The following DOCK1 variants were observed in gnomAD, a reference collection of about 807,000 sequenced individuals.
The protein encoded by DOCK1 is dedicator of cytokinesis 1.
In DOCK1, 138 loss-of-function variants were observed where a neutral mutation model predicts 262.7. That is an observed-to-expected ratio of 0.53 (90% CI 0.46 to 0.61). DOCK1 has a LOEUF of 0.61. Among genes scored for constraint, DOCK1 ranks in the 20% least tolerant of loss-of-function variants. The pLI is 0.00. For synonymous variants in DOCK1, 866 were observed against 867.4 expected, an observed-to-expected ratio of 1.00 and a Z score of 0.03; for missense variants, 1,908 against 2,370.7, an observed-to-expected ratio of 0.80 and a Z score of 4.05.
At chr10:126,982,859 CTG>C (rs2039081991) in intron 4 of DOCK1, among the ~76,000 whole-genome samples, 1 of 152,212 alleles carries the variant, frequency 6.6e-6, no homozygotes, top group Non-Finnish European at 1.5e-5. Context: ...GACTTTTACT[CTG>C]TGGAAGTAAC....
intron 31 of DOCK1, among the ~76,000 whole-genome samples, chr10:127,349,832 G>A (rs2063801644): frequency 6.6e-6 from 1 of 152,054 alleles, no homozygotes; most frequent in African/African-American, 2.4e-5. Flanking sequence ...ATCTTCCTGT[G>A]GCCTTCTTCT....
chr10:127,444,031 A>AAT (rs2070363681), intron 49 of DOCK1, 95 bp from the exon 50 acceptor site: 3 of 1,468,020 alleles, frequency 2.0e-6, no homozygotes, highest in Non-Finnish European at 2.8e-6. Context: ...ATTCTAAGGT[A>AAT]ATGGGGGTCA....
intron 27 of DOCK1, among the ~76,000 whole-genome samples, chr10:127,211,610 C>T (rs1400401375): frequency 1.3e-5 from 2 of 152,162 alleles, no homozygotes; most frequent in East Asian, 3.8e-4. Context: ...ATTTTGAAGA[C>T]ATTGATTTTT....
intron 6 of DOCK1, among the ~76,000 whole-genome samples, chr10:126,991,525 T>G (rs367595344): frequency 9.9e-5 from 15 of 152,158 alleles, no homozygotes; most frequent in African/African-American, 2.4e-4. Context: ...AGTGTTTTTT[T>G]TTTGTTTGTT....
At chr10:127,001,939 C>T (rs1041315423) in intron 10 of DOCK1, among the ~76,000 whole-genome samples, 6 of 152,144 alleles carry the variant, frequency 3.9e-5, no homozygotes, top group African/African-American at 1.4e-4. Context: ...CTCACTGCTG[C>T]CCCGACCTCC....
At chr10:127,235,721 T>C (rs1013157952) in intron 27 of DOCK1, among the ~76,000 whole-genome samples, 6 of 152,116 alleles carry the variant, frequency 3.9e-5, no homozygotes, top group Non-Finnish European at 8.8e-5. Context: ...TTTCCTAAAA[T>C]GGCTTTACCA....
At chr10:127,054,624 TG>T (rs1328031573) in intron 22 of DOCK1, among the ~76,000 whole-genome samples, 12 of 152,230 alleles carry the variant, frequency 7.9e-5, no homozygotes, top group Non-Finnish European at 1.5e-4. Flanking sequence ...ATGAACTTCC[TG>T]GCCCCCCCTG....
chr10:127,387,140 C>A (rs11017775), intron 38 of DOCK1, among the ~76,000 whole-genome samples: 9 of 152,060 alleles, frequency 5.9e-5, no homozygotes, highest in African/African-American at 1.7e-4. Flanking sequence ...TGGCTGTTGC[C>A]GGGCTCTCTT....
chr10:127,296,884 G>A (rs752146855), intron 29 of DOCK1, among the ~76,000 whole-genome samples: 2 of 152,332 alleles, frequency 1.3e-5, no homozygotes, highest in East Asian at 1.9e-4. Context: ...GCTCAGCCAC[G>A]GCAGCTGTGA....
At position 127,155,108 on chromosome 10, in the gene DOCK1, G is replaced by A. The variant is rs148165096; in HGVS notation, c.2847+27344G>A. 3.0e-3 allele frequency among the ~76,000 whole-genome samples: 451 copies of A among 152,282 alleles called. 3 individuals carry two copies. The highest frequency in any genetic ancestry group is 0.01 in the African/African-American group (429 of 41,562). On this transcript the variant is annotated intron_variant, in intron 27 of 51. Coordinates refer to ENST00000623213, the MANE Select transcript of DOCK1 (RefSeq NM_001290223.2). ...AAACACTCTGGGGGCAAATTTCCACGTACAGAGCTACTCACCAGAGTAACA... is the reference window on the plus strand; with the variant it reads ...AAACACTCTGGGGGCAAATTTCCACATACAGAGCTACTCACCAGAGTAACA...
At chr10:127,101,711 C>T (rs958439252) in intron 23 of DOCK1, among the ~76,000 whole-genome samples, 2 of 152,248 alleles carry the variant, frequency 1.3e-5, no homozygotes, top group African/African-American at 2.4e-5. Context: ...GAGCCAGCAG[C>T]AGGTGGGCCA....
intron 6 of DOCK1, among the ~76,000 whole-genome samples, chr10:126,994,465 C>A (rs11016848): frequency 2.2e-4 from 33 of 152,078 alleles, no homozygotes; most frequent in Non-Finnish European, 3.8e-4. Context: ...GAGGACCCTG[C>A]GGCCTTCCGC....
chr10:127,065,945 G>A (rs947204017), intron 23 of DOCK1, among the ~76,000 whole-genome samples: 1 of 152,022 alleles, frequency 6.6e-6, no homozygotes, highest in Admixed American at 6.5e-5. Context: ...CCCACCTGCT[G>A]TGCAGTGCTG....
chr10:127,049,809 T>C (rs2044593254), intron 21 of DOCK1, among the ~76,000 whole-genome samples: 1 of 152,042 alleles, frequency 6.6e-6, no homozygotes, highest in African/African-American at 2.4e-5. Flanking sequence ...AATTTCAAGA[T>C]TTATTATTAA....
intron 9 of DOCK1, among the ~76,000 whole-genome samples, chr10:126,999,752 C>T (rs183948516): frequency 6.6e-6 from 1 of 152,324 alleles, no homozygotes; most frequent in Non-Finnish European, 1.5e-5. Context: ...TCTCGGCTCA[C>T]TGCAACCTAC....
intron 1 of DOCK1, among the ~76,000 whole-genome samples, chr10:126,948,345 G>T (rs2035770002): frequency 2.1e-5 from 1 of 47,212 alleles, no homozygotes. Context: ...ATTACTGTTG[G>T]TGGTGATGGT....
rs534280622 is a variant in DOCK1, at chr10:127,012,092, C to T, written c.1059-140C>T. Reference sequence around the variant, plus strand: ...TCCCTGTTTCTCTTGTCACCTCTCCCATCCTTTGTCGTGCGTTGACTCATG... The same window carrying T: ...TCCCTGTTTCTCTTGTCACCTCTCCTATCCTTTGTCGTGCGTTGACTCATG... On this transcript the variant is annotated intron_variant, in intron 11 of 51. Coordinates refer to ENST00000623213, the MANE Select transcript of DOCK1 (RefSeq NM_001290223.2). The surrounding 1 kb of genome is among the most constrained non-coding windows in gnomAD (Gnocchi z 4.0). 3.4e-5 allele frequency: 21 copies of T among 620,876 alleles called. No homozygotes were observed. Among genetic ancestry groups the T allele is most frequent in the Middle Eastern group, 4.4e-4 (1 of 2,292 alleles). 38.5% of individuals were successfully genotyped at this position (620,876 alleles called of 1,614,324 possible).
In DOCK1 at chr10:127,175,724, C is replaced by T. The variant is rs752251853; in HGVS notation, c.2847+47960C>T. ...CCCGGTCCTGCTTGGCCCTCCCGAG[C>T]AGCTGGTAATCGGGCTCTTCGGATG... On this transcript the variant is annotated intron_variant, in intron 27 of 51. Transcript: ENST00000623213. This position sits in a 1 kb window ranked among gnomAD's most constrained non-coding sequence, Gnocchi z 6.3. 3 of 1,613,948 alleles carry T rather than the reference C, an allele frequency of 1.9e-6. No individual in the cohort carries two copies. Among genetic ancestry groups the T allele is most frequent in the East Asian group, 2.2e-5 (1 of 44,872 alleles).
intron 10 of DOCK1, among the ~76,000 whole-genome samples, chr10:127,006,528 T>C (rs2041035970): frequency 6.6e-6 from 1 of 152,206 alleles, no homozygotes; most frequent in Admixed American, 6.5e-5. Context: ...AGGGACATCT[T>C]GTCCAAACTG....
Sources: gnomAD v4.1 joint callset for allele counts (sites outside exome capture counted in the v4.1 genomes callset) on GRCh38, gnomAD v4.1.1 for gene constraint, Gnocchi (gnomAD v3.1) non-coding constraint, MANE v1.5 for transcripts, NCBI Gene and HGNC (gene_info 2026-07-23, HGNC 2026-07-21) for gene names.